SASH1: variants seen among roughly 807,000 people sequenced by gnomAD.
SASH1 encodes the protein SAM and SH3 domain containing 1.
In SASH1, 44 loss-of-function variants were observed where a neutral mutation model predicts 125.2. The observed-to-expected ratio is 0.35, with a 90% CI of 0.28 to 0.45. The LOEUF (loss-of-function observed/expected upper bound fraction) is 0.45. Ranked by LOEUF, SASH1 falls within the 20% of genes least tolerant of loss-of-function variation. The probability of loss-of-function intolerance (pLI) is 1.00; values close to 1 mark genes in which losing one functional copy is unlikely to be tolerated. For synonymous variants in SASH1, 639 were observed against 649.1 expected (o/e 0.98, Z 0.24); for missense variants, 1,426 against 1,614.5 (o/e 0.88, Z 2.00).
the SASH1 span, among the ~76,000 whole-genome samples, chr6:148,250,514 A>G: frequency 6.6e-6 from 1 of 151,462 alleles, no homozygotes; most frequent in Non-Finnish European, 1.5e-5. Flanking sequence ...TATGTGATCC[A>G]TTTGAATACA....
the SASH1 span, among the ~76,000 whole-genome samples, chr6:148,217,461 A>G: frequency 6.6e-6 from 1 of 152,186 alleles, no homozygotes; most frequent in East Asian, 1.9e-4. Context: ...TCCTCACAGT[A>G]GCCTATGTGG....
At position 148,514,389 on chromosome 6, in the gene SASH1, A is replaced by G. The variant is rs146615348; in HGVS notation, c.795A>G (p.Val265=). ...AGTTTAAGAGGTTACACAAGCTGGT[A>G]AACTCCACTCGCAGAGTCAGAAAGA... ...SVKFKRLHKL[V]NSTRRVRKKL... is the part of the protein sequence containing the mutation. The change falls in exon 9 of 20, where the codon GTA becomes GTG. Residue 265 remains valine (V), a synonymous_variant. Coordinates refer to ENST00000367467, the MANE Select transcript of SASH1 (RefSeq NM_015278.5). 7 of 1,606,324 alleles carry G rather than the reference A, an allele frequency of 4.4e-6. No homozygotes were observed. The highest frequency in any genetic ancestry group is 6.0e-6 in the Non-Finnish European group (7 of 1,176,458).
At chr6:148,287,291 A>G (rs1251619713) in intron 1 of SASH1, among the ~76,000 whole-genome samples, 5 of 152,202 alleles carry the variant, frequency 3.3e-5, no homozygotes, top group Admixed American at 1.3e-4. Context: ...CTCTGGGCCA[A>G]TAGTCCCTAC....
At chr6:148,516,503 TCCCCCC>T (rs1780449770) in intron 9 of SASH1, among the ~76,000 whole-genome samples, 7 of 42,226 alleles carry the variant, frequency 1.7e-4, no homozygotes, top group African/African-American at 4.9e-4. Context: ...CCCTCCCCCC[TCCCCCC>T]TCCCCCGCCC....
chr6:148,314,777 T>A (rs1780437157), intron 1 of SASH1, among the ~76,000 whole-genome samples: 1 of 151,660 alleles, frequency 6.6e-6, no homozygotes, highest in Non-Finnish European at 1.5e-5. Flanking sequence ...GACTTTTTTT[T>A]TTTTTTTTTT....
chr6:148,520,463 G>C (rs1044849043), intron 10 of SASH1: 1 of 153,994 alleles, frequency 6.5e-6, no homozygotes, highest in African/African-American at 2.4e-5. Flanking sequence ...TCTTCTGCGG[G>C]GACCGGCTTC....
At position 148,290,775 on chromosome 6, in the gene SASH1, C is replaced by T. The variant is rs1343742648; in HGVS notation, n.74+18398C>T. ...CCCTCTGCCTGGGAAAACCAGAGAC[C>T]TTTGTTCATGTTTATCTGCTGACCT... On this transcript the variant is annotated intron_variant and non_coding_transcript_variant, in intron 1 of 3. Transcript: ENST00000367469. Among the ~76,000 whole-genome samples the T allele has an allele frequency of 2.0e-5, 3 of 148,816 alleles. No homozygotes were observed. In the South Asian group the frequency reaches 6.6e-4, roughly 33 times the overall value.
At chr6:148,389,191 GA>G (rs1783599419) in intron 1 of SASH1, among the ~76,000 whole-genome samples, 1 of 151,852 alleles carries the variant, frequency 6.6e-6, no homozygotes, top group African/African-American at 2.4e-5. Flanking sequence ...TGGACTACAC[GA>G]GCCGGCTAAA....
chr6:148,525,676 G>A (rs899238908), intron 11 of SASH1, among the ~76,000 whole-genome samples: 4 of 152,072 alleles, frequency 2.6e-5, no homozygotes, highest in African/African-American at 7.2e-5. Flanking sequence ...TTTTGCACAC[G>A]GCCTTTTCTT....
At chr6:148,209,364 C>T in the SASH1 span, among the ~76,000 whole-genome samples, 1 of 152,202 alleles carries the variant, frequency 6.6e-6, no homozygotes, top group African/African-American at 2.4e-5. Flanking sequence ...ATGAAGCAGA[C>T]TCATCTATGT....
Position 148,533,139 on chromosome 6 carries a change from G to C in SASH1, c.1734+173G>C, listed in dbSNP as rs1471457054. On this transcript the variant is annotated intron_variant, in intron 14 of 19. Transcript: ENST00000367467. The surrounding 1 kb of genome is among the most constrained non-coding windows in gnomAD (Gnocchi z 6.2). Reference sequence around the variant, plus strand: ...TGAAAAACAGAACAAGAACCAGCCAGCCCTCGAGGCAGAGGGAGGGTCTCG... The same window carrying C: ...TGAAAAACAGAACAAGAACCAGCCACCCCTCGAGGCAGAGGGAGGGTCTCG... Among the ~76,000 whole-genome samples the C allele has an allele frequency of 6.6e-6, 1 of 152,148 alleles. No homozygotes were observed. Among genetic ancestry groups the C allele is most frequent in the African/African-American group, 2.4e-5 (1 of 41,430 alleles).
chr6:148,380,900 G>A (rs1383190895), intron 1 of SASH1, among the ~76,000 whole-genome samples: 1 of 152,216 alleles, frequency 6.6e-6, no homozygotes, highest in Admixed American at 6.5e-5. Flanking sequence ...CTTCTGTGCA[G>A]TAGAAATAAA....
chr6:148,234,181 G>A, the SASH1 span, among the ~76,000 whole-genome samples: 1 of 151,870 alleles, frequency 6.6e-6, no homozygotes, highest in Non-Finnish European at 1.5e-5. Flanking sequence ...GGGACCACAG[G>A]CACTGGCTTC....
At chr6:148,224,643 G>T in the SASH1 span, among the ~76,000 whole-genome samples, 1 of 152,164 alleles carries the variant, frequency 6.6e-6, no homozygotes, top group Non-Finnish European at 1.5e-5. Flanking sequence ...TTGCAGAAGT[G>T]AGCCACTGCA....
At position 148,305,225 on chromosome 6, in the gene SASH1, A is replaced by G. The variant is rs546461911; in HGVS notation, n.74+32848A>G. Among the ~76,000 whole-genome samples the G allele has an allele frequency of 2.3e-3, 343 of 152,252 alleles. 4 individuals carry two copies. Among genetic ancestry groups the G allele is most frequent in the African/African-American group, 8.1e-3 (335 of 41,540 alleles). On this transcript the variant is annotated intron_variant and non_coding_transcript_variant, in intron 1 of 3. Coordinates refer to the SASH1 transcript ENST00000367469. Reference sequence around the variant, plus strand: ...CTTTGCGTCTTTTGTCTACTGCTGCATGGGTTCCTGAGGAGAGTTAAAGGT... The same window carrying G: ...CTTTGCGTCTTTTGTCTACTGCTGCGTGGGTTCCTGAGGAGAGTTAAAGGT...
intron 1 of SASH1, among the ~76,000 whole-genome samples, chr6:148,362,788 C>T (rs4896997): frequency 0.02 from 2,986 of 152,128 alleles, 136 homozygotes; most frequent in East Asian, 0.14. Context: ...GTTGAGGCTG[C>T]AGTGAGCCAT....
chr6:148,412,348 T>C (rs1334456329), intron 2 of SASH1, among the ~76,000 whole-genome samples: 2 of 152,092 alleles, frequency 1.3e-5, no homozygotes, highest in South Asian at 2.1e-4. Flanking sequence ...GGCAGTGGGG[T>C]TTTGAGAGAA....
In SASH1 at chr6:148,532,680, T is replaced by G; in HGVS notation, c.1565-117T>G. ...CCTGGTCCTGACAGAGGGTTGTGGCTCAAGGCTTCCTTTCTCTGGGCCTTC... is the reference window on the plus strand; with the variant it reads ...CCTGGTCCTGACAGAGGGTTGTGGCGCAAGGCTTCCTTTCTCTGGGCCTTC... On this transcript the variant is annotated intron_variant, in intron 13 of 19. Coordinates refer to ENST00000367467, the MANE Select transcript of SASH1 (RefSeq NM_015278.5). This position sits in a 1 kb window ranked among gnomAD's most constrained non-coding sequence, Gnocchi z 4.7. 1.6e-6 allele frequency: 2 copies of G among 1,252,178 alleles called. No individual in the cohort carries two copies. The highest frequency in any genetic ancestry group is 1.4e-5 in the South Asian group (1 of 73,450). 77.6% of individuals were successfully genotyped at this position (1,252,178 alleles called of 1,614,324 possible). A position where few individuals can be genotyped will look rare whatever the true frequency, so the allele number is the denominator to read the frequency against.
the SASH1 span, among the ~76,000 whole-genome samples, chr6:148,263,160 G>C: frequency 6.6e-6 from 1 of 152,052 alleles, no homozygotes; most frequent in Admixed American, 6.6e-5. Context: ...CACAGGACAG[G>C]TGCCCAAGAA....
Sources: allele counts gnomAD v4.1 joint callset (sites outside exome capture counted in the v4.1 genomes callset), GRCh38; gene constraint gnomAD v4.1.1; non-coding constraint Gnocchi (gnomAD v3.1); transcripts MANE v1.5; gene names NCBI Gene and HGNC (gene_info 2026-07-23, HGNC 2026-07-21).